The following PI4KA variants were observed in gnomAD, a reference collection of about 807,000 sequenced individuals.
PI4KA encodes phosphatidylinositol 4-kinase alpha.
In PI4KA, 122 loss-of-function variants were observed where a neutral mutation model predicts 271.4. That is an observed-to-expected ratio of 0.45 (90% CI 0.39 to 0.52). The LOEUF is 0.52. PI4KA is among the 20% of genes least tolerant of loss of function. PI4KA has a pLI of 0.00. For missense variants in PI4KA, 1,969 were observed against 2,769.1 expected, an observed-to-expected ratio of 0.71 and a Z score of 6.48; for synonymous variants, 1,041 against 1,078.8, an observed-to-expected ratio of 0.96 and a Z score of 0.69.
chr22:20,763,301 G>A (rs1416035930), intron 22 of PI4KA, among the ~76,000 whole-genome samples: 1 of 151,826 alleles, frequency 6.6e-6, no homozygotes. Context: ...TAGTAGAGAC[G>A]GGGTTTCACC....
In PI4KA at chr22:20,742,324, G is replaced by A. The variant is rs1415937689; in HGVS notation, c.3645C>T (p.Cys1215=). The A allele has an allele frequency of 6.2e-7, 1 of 1,614,170 alleles. No individual in the cohort carries two copies. The highest frequency in any genetic ancestry group is 1.1e-5 in the South Asian group (1 of 91,080). ...CATTGAACATCCGGAGGGGACCCCA[G>A]CACAGATGATGAAGGAGCTGCGGGT... The part of the protein sequence containing the change: ...DCDPQLLHHL[C]WGPLRMFNEH... The change falls in exon 32 of 55, where the codon TGC becomes TGT. Residue 1215 remains cysteine (C), a synonymous_variant. Transcript: ENST00000255882.
chr22:20,771,865 A>C (rs1232484175), intron 19 of PI4KA, among the ~76,000 whole-genome samples: 3 of 152,088 alleles, frequency 2.0e-5, no homozygotes. Context: ...TACAGGTGTG[A>C]GCCACCACAC....
rs763329172 is a variant in PI4KA at position 20,727,759 on chromosome 22, C to T, written c.4773+15G>A. ...TGCAGTTTGAACTCAGGCCCTGGTA[C>T]GTGGGCTACACTACCTTGATTGCTT... On this transcript the variant is annotated intron_variant, in intron 40 of 54. Coordinates refer to ENST00000255882, the MANE Select transcript of PI4KA (RefSeq NM_058004.4). 61 of 1,599,956 alleles carry T rather than the reference C, an allele frequency of 3.8e-5. No homozygotes were observed. Among genetic ancestry groups the T allele is most frequent in the Non-Finnish European group, 4.5e-5 (52 of 1,167,542 alleles).
At chr22:20,761,424 C>G in intron 22 of PI4KA, 38 bp from the exon 23 acceptor site, 7 of 1,309,070 alleles carry the variant, frequency 5.3e-6, no homozygotes, top group Non-Finnish European at 7.8e-6. Flanking sequence ...TTTGAAAAAT[C>G]TGGGCCCTCC....
rs769645380 is a variant in PI4KA at position 20,838,747 on chromosome 22, C to T, written c.157-16G>A. ...GCTTTTGGACCTAGAAAATGAGACC[C>T]CCCCAAAAACAGCTCTACAAAATAG... On this transcript the variant is annotated splice_polypyrimidine_tract_variant and intron_variant, in intron 1 of 54. Transcript: ENST00000255882. 2.1e-6 allele frequency: 3 copies of T among 1,427,922 alleles called. No homozygotes were observed. The highest frequency in any genetic ancestry group is 3.0e-6 in the Non-Finnish European group (3 of 1,014,846). The allele number at this position is 1,427,922 out of a possible 1,614,324, so 88.5% of individuals were successfully genotyped here.
chr22:20,737,968 G>A (rs1178868860), intron 32 of PI4KA, among the ~76,000 whole-genome samples: 4 of 152,184 alleles, frequency 2.6e-5, no homozygotes, highest in Admixed American at 2.6e-4. Context: ...GAGGTCTGAG[G>A]CTGAAGCAGC....
intron 3 of PI4KA, among the ~76,000 whole-genome samples, chr22:20,831,260 TTTTC>T (rs1224758684): frequency 3.3e-5 from 5 of 151,966 alleles, no homozygotes; most frequent in Non-Finnish European, 5.9e-5. Flanking sequence ...TTGCAAATTC[TTTTC>T]TTTAACAATG....
chr22:20,825,565 A>T (rs1333496428), intron 3 of PI4KA, among the ~76,000 whole-genome samples: 1 of 152,188 alleles, frequency 6.6e-6, no homozygotes, highest in Admixed American at 6.5e-5. Context: ...ACTGCACTAC[A>T]GCTTGGAGTG....
At chr22:20,723,552 T>C (rs13054456) in intron 42 of PI4KA, among the ~76,000 whole-genome samples, 67,171 of 149,778 alleles carry the variant, frequency 0.45, 15,115 homozygotes, top group East Asian at 0.53. Context: ...AAAAATAGGC[T>C]GGGTGTGGTG....
chr22:20,717,605 T>G, intron 45 of PI4KA, 103 bp downstream of exon 45: 3 of 1,044,102 alleles, frequency 2.9e-6, no homozygotes, highest in Non-Finnish European at 1.5e-6. Context: ...GCCAAGCCAC[T>G]GTGTCCACAT....
At chr22:20,814,179 G>GAA (rs361610) in intron 7 of PI4KA, among the ~76,000 whole-genome samples, 2,050 of 150,634 alleles carry the variant, frequency 0.014, 48 homozygotes, top group African/African-American at 0.048. Flanking sequence ...ACCAAAATTA[G>GAA]AAAAAAAAAT....
In PI4KA at chr22:20,730,007, A is replaced by G; in HGVS notation, c.4293T>C (p.Asn1431=). 3 of 1,614,056 alleles carry G rather than the reference A, an allele frequency of 1.9e-6. No homozygotes were observed. Among genetic ancestry groups the G allele is most frequent in the Non-Finnish European group, 2.5e-6 (3 of 1,180,004 alleles). The change falls in exon 37 of 55, where the codon AAT becomes AAC. Residue 1431 remains asparagine (N), a synonymous_variant. Coordinates refer to ENST00000255882, the MANE Select transcript of PI4KA (RefSeq NM_058004.4). ...LTASQLVPPD[N]QDTRSNLDIT... ...TGTCCAGGTTGCTCCGGGTGTCCTG[A>G]TTATCTGAGGGCAAACACATTGTTG...
At chr22:20,852,068 G>A (rs1398447005) in intron 1 of PI4KA, among the ~76,000 whole-genome samples, 1 of 152,146 alleles carries the variant, frequency 6.6e-6, no homozygotes, top group Non-Finnish European at 1.5e-5. Flanking sequence ...AGCTTGCAGT[G>A]AGCAGAGATC....
chr22:20,844,385 T>A (rs1404643506), intron 1 of PI4KA, among the ~76,000 whole-genome samples: 1 of 152,328 alleles, frequency 6.6e-6, no homozygotes, highest in Middle Eastern at 3.4e-3. Context: ...CCAGGCACAG[T>A]GCTGGCATGC....
chr22:20,764,747 C>T (rs761690336), intron 22 of PI4KA, 70 bp downstream of exon 22: 108 of 1,486,626 alleles, frequency 7.3e-5, no homozygotes, highest in Admixed American at 1.9e-4. Context: ...CTCATGCTTA[C>T]GAGGGCACAA....
intron 19 of PI4KA, among the ~76,000 whole-genome samples, chr22:20,780,724 C>T (rs1569025210): frequency 1.4e-5 from 2 of 142,792 alleles, no homozygotes; most frequent in Admixed American, 7.5e-5. Flanking sequence ...TGCAGTGAGC[C>T]GAGACTGTGC....
At chr22:20,821,684 T>C (rs1477193667) in intron 4 of PI4KA, among the ~76,000 whole-genome samples, 1 of 151,550 alleles carries the variant, frequency 6.6e-6, no homozygotes, top group East Asian at 2.0e-4. Context: ...CTCCGCCTCC[T>C]GGGTTCAAGC....
chr22:20,747,806 C>T (rs1475518212), intron 28 of PI4KA, 104 bp from the exon 29 acceptor site: 1 of 1,099,106 alleles, frequency 9.1e-7, no homozygotes, highest in Non-Finnish European at 1.3e-6. Context: ...ACGATCATGG[C>T]TCATTGCAGC....
intron 3 of PI4KA, among the ~76,000 whole-genome samples, chr22:20,824,963 G>A (rs1315009730): frequency 6.7e-6 from 1 of 149,646 alleles, no homozygotes. Context: ...CCAGCCACTT[G>A]GGAGGCTGAG....
Sources: gnomAD v4.1 joint callset for allele counts (sites outside exome capture counted in the v4.1 genomes callset) on GRCh38, gnomAD v4.1.1 for gene constraint, MANE v1.5 for transcripts, NCBI Gene and HGNC (gene_info 2026-07-23, HGNC 2026-07-21) for gene names.